Variants in ATP8A2 observed in about 807,000 individuals in gnomAD.
ATP8A2 encodes the protein ATPase phospholipid transporting 8A2.
A neutral mutation model predicts 165.6 loss-of-function variants in ATP8A2; 100 were observed. The ratio of observed to expected loss-of-function variants is 0.60; its 90% CI spans 0.51 to 0.71. ATP8A2 has a LOEUF of 0.71. Among genes scored for constraint, ATP8A2 ranks in the 30% least tolerant of loss-of-function variants. The pLI is 0.00. For synonymous variants in ATP8A2, 543 were observed against 548.8 expected (o/e 0.99, Z 0.15); for missense variants, 1,227 against 1,479.5 (o/e 0.83, Z 2.80).
chr13:25,640,567 C>G (rs1298397688), intron 24 of ATP8A2, among the ~76,000 whole-genome samples: 1 of 152,104 alleles, frequency 6.6e-6, no homozygotes, highest in African/African-American at 2.4e-5. Flanking sequence ...GAAGTTGAAT[C>G]CCTGAATAGA....
chr13:25,788,839 GA>G (rs1171352276), intron 27 of ATP8A2, among the ~76,000 whole-genome samples: 1 of 152,182 alleles, frequency 6.6e-6, no homozygotes, highest in Non-Finnish European at 1.5e-5. Context: ...TTACAACTGA[GA>G]AATCATTCTC....
chr13:25,996,154 A>G (rs527947224), intron 35 of ATP8A2, among the ~76,000 whole-genome samples: 2 of 152,332 alleles, frequency 1.3e-5, no homozygotes, highest in South Asian at 4.1e-4. Flanking sequence ...CTATCTGCCT[A>G]TATCATTATA....
chr13:25,578,678 G>A (rs2138223869), intron 20 of ATP8A2, 137 bp from the exon 21 acceptor site: 1 of 687,330 alleles, frequency 1.5e-6, no homozygotes, highest in Non-Finnish European at 2.6e-6. Flanking sequence ...CCTGAGCCCA[G>A]CCAAATGCTA....
intron 24 of ATP8A2, among the ~76,000 whole-genome samples, chr13:25,672,472 A>G: frequency 6.6e-6 from 1 of 152,102 alleles, no homozygotes. Flanking sequence ...GCAGGAAGAT[A>G]TTCTTTTCTA....
At chr13:26,014,975 C>T (rs1474069745) in intron 36 of ATP8A2, among the ~76,000 whole-genome samples, 1 of 152,046 alleles carries the variant, frequency 6.6e-6, no homozygotes, top group African/African-American at 2.4e-5. Flanking sequence ...TCTGTTGAGC[C>T]GTGTTGCCTC....
chr13:25,381,610 G>A (rs994317552), intron 1 of ATP8A2, among the ~76,000 whole-genome samples: 22 of 152,202 alleles, frequency 1.4e-4, no homozygotes, highest in African/African-American at 5.3e-4. Context: ...CAACCAAGAT[G>A]ATACTATGTG....
intron 24 of ATP8A2, among the ~76,000 whole-genome samples, chr13:25,601,824 A>C (rs902626542): frequency 1.2e-4 from 19 of 152,324 alleles, no homozygotes; most frequent in African/African-American, 4.1e-4. Flanking sequence ...TGGGTCACAT[A>C]TTTTAAACAG....
At chr13:25,641,610 A>G (rs2041524126) in intron 24 of ATP8A2, among the ~76,000 whole-genome samples, 1 of 152,214 alleles carries the variant, frequency 6.6e-6, no homozygotes, top group Non-Finnish European at 1.5e-5. Context: ...AAGAGGATAC[A>G]AACAAATGGA....
At chr13:25,441,545 A>G (rs1345145185) in intron 1 of ATP8A2, among the ~76,000 whole-genome samples, 1 of 152,218 alleles carries the variant, frequency 6.6e-6, no homozygotes, top group Non-Finnish European at 1.5e-5. Flanking sequence ...TCATTCATTT[A>G]TCAACCTACC....
chr13:25,985,754 C>G (rs888681769), intron 35 of ATP8A2, among the ~76,000 whole-genome samples: 1 of 152,166 alleles, frequency 6.6e-6, no homozygotes. Flanking sequence ...ACCAATTGAC[C>G]GAAGTTACTG....
At chr13:25,937,227 A>G (rs887586613) in intron 33 of ATP8A2, among the ~76,000 whole-genome samples, 3 of 152,098 alleles carry the variant, frequency 2.0e-5, no homozygotes, top group African/African-American at 7.2e-5. Flanking sequence ...ACGCAAGTAA[A>G]ACTATAAGGG....
chr13:25,585,597 T>C (rs2039899571), intron 23 of ATP8A2, among the ~76,000 whole-genome samples: 1 of 152,234 alleles, frequency 6.6e-6, no homozygotes, highest in Non-Finnish European at 1.5e-5. Context: ...ATTTTTTAAA[T>C]TTTAATACAT....
chr13:25,535,282 G>C (rs1455466967), intron 6 of ATP8A2, among the ~76,000 whole-genome samples: 1 of 152,202 alleles, frequency 6.6e-6, no homozygotes, highest in Non-Finnish European at 1.5e-5. Flanking sequence ...CTGAAGCTCA[G>C]ATCTGCTGTC....
intron 36 of ATP8A2, among the ~76,000 whole-genome samples, chr13:26,016,431 G>A (rs577279353): frequency 1.1e-4 from 17 of 152,322 alleles, no homozygotes; most frequent in African/African-American, 3.8e-4. Flanking sequence ...GGCCCTTGTG[G>A]CCATGGCACT....
intron 1 of ATP8A2, among the ~76,000 whole-genome samples, chr13:25,405,743 T>A (rs1375679079): frequency 6.6e-6 from 1 of 152,206 alleles, no homozygotes; most frequent in Non-Finnish European, 1.5e-5. Context: ...AACAAAGTGT[T>A]AAGATATAGC....
chr13:25,422,902 A>G (rs1461447645), intron 1 of ATP8A2, among the ~76,000 whole-genome samples: 1 of 152,196 alleles, frequency 6.6e-6, no homozygotes, highest in Admixed American at 6.5e-5. Context: ...TCAGGTTTTG[A>G]TAGCTTTGTG....
At chr13:25,432,914 G>C (rs761869803) in intron 1 of ATP8A2, among the ~76,000 whole-genome samples, 2 of 152,216 alleles carry the variant, frequency 1.3e-5, no homozygotes, top group Non-Finnish European at 2.9e-5. Flanking sequence ...CACATGTGTT[G>C]TCTAAAGAGA....
At chr13:25,483,374 C>T (rs1389498715) in intron 2 of ATP8A2, among the ~76,000 whole-genome samples, 1 of 152,070 alleles carries the variant, frequency 6.6e-6, no homozygotes, top group Non-Finnish European at 1.5e-5. Flanking sequence ...CCCCTTTCAC[C>T]CCAGTATGAG....
intron 16 of ATP8A2, among the ~76,000 whole-genome samples, chr13:25,569,733 G>T (rs1275597588): frequency 1.3e-5 from 2 of 152,186 alleles, no homozygotes; most frequent in African/African-American, 4.8e-5. Flanking sequence ...ACTAGTAGGA[G>T]CTCAGTGACA....
Sources: gnomAD v4.1 joint callset for allele counts (sites outside exome capture counted in the v4.1 genomes callset) on GRCh38, gnomAD v4.1.1 for gene constraint, MANE v1.5 for transcripts, NCBI Gene and HGNC (gene_info 2026-07-23, HGNC 2026-07-21) for gene names.